POLR3B: variants seen among roughly 807,000 people sequenced by gnomAD.
The protein encoded by POLR3B is RNA polymerase III subunit B.
In POLR3B, 96 loss-of-function variants were observed where a neutral mutation model predicts 147.4. The observed-to-expected ratio is 0.65, with a 90% confidence interval of 0.55 to 0.77. The LOEUF is 0.77. Among genes scored for constraint, POLR3B ranks in the 30% least tolerant of loss-of-function variants. The pLI is 0.00. For synonymous variants in POLR3B, 461 were observed against 485.9 expected, an observed-to-expected ratio of 0.95 and a Z score of 0.67; for missense variants, 1,036 against 1,413.5, an observed-to-expected ratio of 0.73 and a Z score of 4.28.
Position 106,393,043 on chromosome 12 carries a change from G to A in POLR3B, c.736G>A (p.Glu246Lys), listed in dbSNP as rs755346691. 1 of 1,614,076 alleles carries A rather than the reference G, an allele frequency of 6.2e-7. No homozygotes were observed. Among genetic ancestry groups the A allele is most frequent in the African/African-American group, 1.3e-5 (1 of 74,920 alleles). The change falls in exon 10 of 28, where the codon GAG becomes AAG. Residue 246 changes from glutamate to lysine, a missense_variant. By Grantham distance (56) the Glu-to-Lys change is moderately conservative (BLOSUM62 1). This residue lies in a region of POLR3B where 217 missense variants were observed against 288.7 expected (regional missense o/e 0.75). Transcript: ENST00000228347. ...CTTTCCTTCCTAGGCCATGGGTGTT[G>A]AGAGTGACCAGGAAATTGTGCAGAT... ...IVIIFKAMGV[E>K]SDQEIVQMIG...
intron 18 of POLR3B, among the ~76,000 whole-genome samples, chr12:106,442,358 T>G (rs764188857): frequency 1.3e-5 from 2 of 152,152 alleles, no homozygotes; most frequent in Non-Finnish European, 2.9e-5. Context: ...GGCCAATATT[T>G]AAACAAAGCA....
chr12:106,362,263 A>T (rs1400911220), intron 1 of POLR3B, among the ~76,000 whole-genome samples: 1 of 152,146 alleles, frequency 6.6e-6, no homozygotes, highest in African/African-American at 2.4e-5. Context: ...AGACCAAGGA[A>T]TGGATGGTCC....
intron 19 of POLR3B, among the ~76,000 whole-genome samples, chr12:106,450,485 A>G (rs147086553): frequency 7.0e-4 from 106 of 152,332 alleles, no homozygotes; most frequent in African/African-American, 2.5e-3. Flanking sequence ...ATTCAAGTAT[A>G]TATAAAGAAC....
rs1359653392 is a variant in POLR3B at position 106,437,111 on chromosome 12, A to G, written c.1836A>G (p.Glu612=). The change falls in exon 17 of 28, where the codon GAA becomes GAG. Residue 612 remains glutamate, a synonymous_variant. Coordinates refer to ENST00000228347, the MANE Select transcript of POLR3B (RefSeq NM_018082.6). Reference sequence around the variant, plus strand: ...CAGCAGTCACAAATAAACATATGGAAGAGCTGGCCCAAGGGTACAGGTAAG... The same window carrying G: ...CAGCAGTCACAAATAAACATATGGAGGAGCTGGCCCAAGGGTACAGGTAAG... The part of the protein sequence containing the change: ...QKPAVTNKHM[E]ELAQGYRNFE... 1 of 1,613,288 alleles carries G rather than the reference A, an allele frequency of 6.2e-7. No homozygotes were observed. The highest frequency in any genetic ancestry group is 1.7e-5 in the Admixed American group (1 of 60,000).
At chr12:106,440,546 C>T (rs535293703) in intron 18 of POLR3B, among the ~76,000 whole-genome samples, 1 of 152,294 alleles carries the variant, frequency 6.6e-6, no homozygotes, top group South Asian at 2.1e-4. Flanking sequence ...CCAGGCGTGC[C>T]TCTGCCTTAG....
chr12:106,461,315 G>A (rs1252337853), intron 22 of POLR3B, among the ~76,000 whole-genome samples: 1 of 152,082 alleles, frequency 6.6e-6, no homozygotes, highest in Admixed American at 6.5e-5. Flanking sequence ...GACTAGTCTC[G>A]AACTCTTCAC....
At chr12:106,424,128 A>G (rs976544766) in intron 12 of POLR3B, among the ~76,000 whole-genome samples, 4 of 152,124 alleles carry the variant, frequency 2.6e-5, no homozygotes, top group African/African-American at 9.7e-5. Context: ...TGTTGGGATT[A>G]CAGGCGTGAG....
chr12:106,383,615 A>G (rs923197860), intron 9 of POLR3B, among the ~76,000 whole-genome samples: 5 of 152,142 alleles, frequency 3.3e-5, no homozygotes, highest in African/African-American at 1.2e-4. Context: ...ACACACATTT[A>G]TAGATTAAAT....
intron 6 of POLR3B, among the ~76,000 whole-genome samples, chr12:106,371,976 G>A (rs1354037517): frequency 6.6e-6 from 1 of 152,064 alleles, no homozygotes; most frequent in Non-Finnish European, 1.5e-5. Flanking sequence ...GAGGGGGCAT[G>A]TAACTAGCAT....
intron 12 of POLR3B, among the ~76,000 whole-genome samples, chr12:106,416,472 C>T (rs1403377464): frequency 6.6e-6 from 1 of 151,976 alleles, no homozygotes; most frequent in African/African-American, 2.4e-5. Context: ...ATGTGCCTGC[C>T]TATTCACTTG....
intron 6 of POLR3B, among the ~76,000 whole-genome samples, chr12:106,370,631 G>GTTTTTTTTTTTTTT (rs1208633414): frequency 7.9e-6 from 1 of 126,576 alleles, no homozygotes; most frequent in Non-Finnish European, 1.7e-5. Flanking sequence ...TTGTTTTATT[G>GTTTTTTTTTTTTTT]TTTTTTTTTT....
chr12:106,405,077 A>G (rs573719192), intron 10 of POLR3B, among the ~76,000 whole-genome samples: 1 of 152,172 alleles, frequency 6.6e-6, no homozygotes, highest in South Asian at 2.1e-4. Context: ...ATTCTCTTTC[A>G]TTGATTTATT....
chr12:106,360,309 A>C (rs142555455), intron 1 of POLR3B, among the ~76,000 whole-genome samples: 90 of 152,252 alleles, frequency 5.9e-4, no homozygotes, highest in African/African-American at 2.0e-3. Context: ...TGTTTGTAAT[A>C]AATTTCCTCA....
At chr12:106,448,423 A>ATTTTT (rs2037751837) in intron 19 of POLR3B, among the ~76,000 whole-genome samples, 1 of 48,524 alleles carries the variant, frequency 2.1e-5, no homozygotes, top group African/African-American at 7.7e-5. Flanking sequence ...TACATACGTT[A>ATTTTT]TTTCTTTTTT....
chr12:106,479,389 T>C (rs1206262436), intron 23 of POLR3B, among the ~76,000 whole-genome samples: 1 of 150,136 alleles, frequency 6.7e-6, no homozygotes, highest in Non-Finnish European at 1.5e-5. Context: ...TCTCTCTCTT[T>C]TTTTTTTTTG....
chr12:106,444,651 T>C, intron 19 of POLR3B, 61 bp downstream of exon 19: 1 of 1,539,606 alleles, frequency 6.5e-7, no homozygotes, highest in Non-Finnish European at 9.0e-7. Flanking sequence ...GAAAAAGCCT[T>C]ACATCTTTAT....
At chr12:106,365,009 C>G (rs2036515153) in intron 2 of POLR3B, among the ~76,000 whole-genome samples, 1 of 152,064 alleles carries the variant, frequency 6.6e-6, no homozygotes, top group Non-Finnish European at 1.5e-5. Flanking sequence ...GTGGCGGGCC[C>G]CTGTAATCCC....
intron 23 of POLR3B, among the ~76,000 whole-genome samples, chr12:106,487,436 CT>C (rs2038354889): frequency 6.6e-6 from 1 of 152,164 alleles, no homozygotes; most frequent in African/African-American, 2.4e-5. Context: ...TTTAAAAATT[CT>C]TTTGATTTAG....
At chr12:106,418,086 C>G (rs538363300) in intron 12 of POLR3B, among the ~76,000 whole-genome samples, 6 of 152,216 alleles carry the variant, frequency 3.9e-5, no homozygotes, top group African/African-American at 1.4e-4. Flanking sequence ...GTTGTCTCCA[C>G]TGGCCAAGCG....
Sources: allele counts gnomAD v4.1 joint callset (sites outside exome capture counted in the v4.1 genomes callset), GRCh38; gene constraint gnomAD v4.1.1; regional missense constraint gnomAD v4.1.1; transcripts MANE v1.5; gene names NCBI Gene and HGNC (gene_info 2026-07-23, HGNC 2026-07-21).